TCF7L1: variants seen among roughly 807,000 people sequenced by gnomAD.
The protein encoded by TCF7L1 is transcription factor 7 like 1.
A neutral mutation model predicts 63.7 loss-of-function variants in TCF7L1; 18 were observed. The observed-to-expected ratio is 0.28, with a 90% CI of 0.20 to 0.42. TCF7L1 has a LOEUF of 0.42. Among genes scored for constraint, TCF7L1 ranks in the 10% least tolerant of loss-of-function variants. The pLI is 1.00. For synonymous variants in TCF7L1, 355 were observed against 340.9 expected, an observed-to-expected ratio of 1.04 and a Z score of -0.46; for missense variants, 654 against 779.3, an observed-to-expected ratio of 0.84 and a Z score of 1.91.
intron 4 of TCF7L1, among the ~76,000 whole-genome samples, chr2:85,290,892 C>T (rs553940741): frequency 1.3e-5 from 2 of 152,326 alleles, no homozygotes; most frequent in South Asian, 4.1e-4. Flanking sequence ...TTCCAGCCCA[C>T]CAGGATGGGA....
At chr2:85,219,381 C>A (rs1679792537) in intron 3 of TCF7L1, among the ~76,000 whole-genome samples, 1 of 152,054 alleles carries the variant, frequency 6.6e-6, no homozygotes, top group Non-Finnish European at 1.5e-5. Flanking sequence ...TATGACCCAG[C>A]AAATCTACTA....
chr2:85,253,647 C>G (rs1054352524), intron 3 of TCF7L1, among the ~76,000 whole-genome samples: 2 of 152,208 alleles, frequency 1.3e-5, no homozygotes, highest in Non-Finnish European at 2.9e-5. Flanking sequence ...AACAGAAGAA[C>G]AGTGAGCTTT....
intron 4 of TCF7L1, among the ~76,000 whole-genome samples, chr2:85,294,288 G>A (rs924442993): frequency 2.0e-5 from 3 of 151,848 alleles, no homozygotes; most frequent in Admixed American, 2.0e-4. Context: ...TGCCCGCCTC[G>A]GCCTCCCAAA....
chr2:85,247,246 G>A (rs547966904), intron 3 of TCF7L1, among the ~76,000 whole-genome samples: 9 of 152,184 alleles, frequency 5.9e-5, no homozygotes, highest in East Asian at 3.8e-4. Flanking sequence ...CACCATGACC[G>A]CTATTATTAA....
At chr2:85,197,273 C>T (rs188304430) in intron 3 of TCF7L1, among the ~76,000 whole-genome samples, 99 of 152,202 alleles carry the variant, frequency 6.5e-4, no homozygotes, top group African/African-American at 1.7e-3. Flanking sequence ...TAGCCAGGTG[C>T]GGTGGCAAAC....
chr2:85,141,485 C>A (rs1677735883), intron 3 of TCF7L1, among the ~76,000 whole-genome samples: 3 of 152,200 alleles, frequency 2.0e-5, no homozygotes, highest in African/African-American at 7.2e-5. Context: ...AAGCAGCCTC[C>A]TCCTTCTATC....
At chr2:85,267,604 G>C (rs1260992725) in intron 3 of TCF7L1, among the ~76,000 whole-genome samples, 1 of 145,962 alleles carries the variant, frequency 6.9e-6, no homozygotes, top group African/African-American at 2.5e-5. Context: ...AGCCAAGATC[G>C]CACCATTGCA....
Position 85,134,221 on chromosome 2 carries a change from C to T in TCF7L1, c.314-102C>T, listed in dbSNP as rs918842614. The T allele has an allele frequency of 4.1e-6, 6 of 1,477,422 alleles. No homozygotes were observed. Among genetic ancestry groups the T allele is most frequent in the African/African-American group, 2.9e-5 (2 of 69,790 alleles). The allele number at this position is 1,477,422 out of a possible 1,614,324, so 91.5% of individuals were successfully genotyped here. ...TTGGCGGCAGCCCCCGTGGGGCGCGCGTGGGGGGCGCTGGGGTCCCCAGCT... is the reference window on the plus strand; with the variant it reads ...TTGGCGGCAGCCCCCGTGGGGCGCGTGTGGGGGGCGCTGGGGTCCCCAGCT... On this transcript the variant is annotated intron_variant, in intron 2 of 11. Transcript: ENST00000282111. This position sits in a 1 kb window ranked among gnomAD's most constrained non-coding sequence, Gnocchi z 5.0.
chr2:85,180,239 T>C (rs548203815), intron 3 of TCF7L1, among the ~76,000 whole-genome samples: 1 of 151,620 alleles, frequency 6.6e-6, no homozygotes, highest in African/African-American at 2.4e-5. Flanking sequence ...TTTTTGTTTT[T>C]TTTTTTGGTA....
In TCF7L1 at chr2:85,171,524, G is replaced by A. The variant is rs1335969135; in HGVS notation, c.441+37074G>A. 2.6e-5 allele frequency among the ~76,000 whole-genome samples: 4 copies of A among 152,380 alleles called. No individual in the cohort carries two copies. The East Asian group carries it at 7.7e-4, about 29-fold the overall frequency. ...ACAGGACTGGGCAGTAGACATGAATGAGATGATCTGCCTTTGTCAGAGTCC... is the reference window on the plus strand; with the variant it reads ...ACAGGACTGGGCAGTAGACATGAATAAGATGATCTGCCTTTGTCAGAGTCC... On this transcript the variant is annotated intron_variant, in intron 3 of 11. Transcript: ENST00000282111.
rs201112634 is a variant in TCF7L1 at position 85,305,250 on chromosome 2, C to T, written c.846-10C>T. 1.8e-4 allele frequency: 283 copies of T among 1,614,096 alleles called. No individual in the cohort carries two copies. In the African/African-American group the frequency reaches 3.1e-3, roughly 18 times the overall value. ...CCCTCTGTTGCCATTTGTTTCTATC[C>T]GGTGCACAGCCTGGTCTCCAGTCGG... is the stretch of plus-strand genomic sequence containing the variant. On this transcript the variant is annotated splice_polypyrimidine_tract_variant and intron_variant, in intron 7 of 11. Coordinates refer to ENST00000282111, the MANE Select transcript of TCF7L1 (RefSeq NM_031283.3).
chr2:85,207,208 T>G (rs914272395), intron 3 of TCF7L1, among the ~76,000 whole-genome samples: 5 of 152,228 alleles, frequency 3.3e-5, no homozygotes, highest in African/African-American at 1.2e-4. Flanking sequence ...TACTTGCATG[T>G]CACTGATGAA....
rs534529919 is a variant in TCF7L1 at position 85,218,638 on chromosome 2, A to G, written c.442-64857A>G. On this transcript the variant is annotated intron_variant, in intron 3 of 11. Coordinates refer to ENST00000282111, the MANE Select transcript of TCF7L1 (RefSeq NM_031283.3). ...TTAGTTAAAATATCTTTTTATTCCAATGGGGGGGGGAAAACTGGTGATAGT... is the reference window on the plus strand; with the variant it reads ...TTAGTTAAAATATCTTTTTATTCCAGTGGGGGGGGGAAAACTGGTGATAGT... 2.1e-4 allele frequency among the ~76,000 whole-genome samples: 28 copies of G among 135,766 alleles called. No homozygotes were observed. In the South Asian group the frequency reaches 2.4e-3, roughly 12 times the overall value. The allele number at this position is 135,766 out of a possible 152,430, so 89.1% of individuals were successfully genotyped here. A position where few individuals can be genotyped will look rare whatever the true frequency, so the allele number is the denominator to read the frequency against.
intron 4 of TCF7L1, among the ~76,000 whole-genome samples, chr2:85,293,987 G>A (rs1681783315): frequency 6.9e-6 from 1 of 145,266 alleles, no homozygotes; most frequent in Non-Finnish European, 1.5e-5. Flanking sequence ...CCCACCCCTA[G>A]AGTTTCTGAT....
At chr2:85,163,564 G>A (rs925569175) in intron 3 of TCF7L1, among the ~76,000 whole-genome samples, 5 of 152,174 alleles carry the variant, frequency 3.3e-5, no homozygotes, top group African/African-American at 1.2e-4. Context: ...CTTGTTTCAG[G>A]CCATACGTTT....
intron 3 of TCF7L1, among the ~76,000 whole-genome samples, chr2:85,145,146 A>G (rs1036577027): frequency 3.9e-5 from 6 of 152,030 alleles, no homozygotes; most frequent in African/African-American, 1.4e-4. Context: ...AGCATGGTGG[A>G]AAGATTAACA....
At chr2:85,144,737 G>GTGTGTGTGTA (rs1167425098) in intron 3 of TCF7L1, among the ~76,000 whole-genome samples, 1 of 148,816 alleles carries the variant, frequency 6.7e-6, no homozygotes, top group Non-Finnish European at 1.5e-5. Context: ...GTGTGTGTGT[G>GTGTGTGTGTA]TGTGTGTGTG....
chr2:85,283,531 T>C lies in TCF7L1; in HGVS notation c.478T>C (p.Ser160Pro). 1 of 1,614,112 alleles carries C rather than the reference T, an allele frequency of 6.2e-7. No individual in the cohort carries two copies. Among genetic ancestry groups the C allele is most frequent in the South Asian group, 1.1e-5 (1 of 91,076 alleles). ...QMKWPLLDVP[S>P]SATVKDTRSP... is the part of the protein sequence containing the mutation. ...GAAATGGCCCCTCCTCGATGTCCCC[T>C]CCAGCGCCACAGTCAAGGACACGAG... Residue 160 changes from serine to proline, a missense_variant, in exon 4 of 12, where the codon TCC becomes CCC. By Grantham distance (74) the Ser-to-Pro change is moderately conservative (BLOSUM62 -1). Coordinates refer to ENST00000282111, the MANE Select transcript of TCF7L1 (RefSeq NM_031283.3).
intron 3 of TCF7L1, among the ~76,000 whole-genome samples, chr2:85,226,518 C>T (rs1679955599): frequency 6.6e-6 from 1 of 152,174 alleles, no homozygotes; most frequent in African/African-American, 2.4e-5. Flanking sequence ...CCACACTGTG[C>T]TTCTCTATGT....
Sources: allele counts gnomAD v4.1 joint callset (sites outside exome capture counted in the v4.1 genomes callset), GRCh38; gene constraint gnomAD v4.1.1; non-coding constraint Gnocchi (gnomAD v3.1); transcripts MANE v1.5; gene names NCBI Gene and HGNC (gene_info 2026-07-23, HGNC 2026-07-21).